Variants in ASAP1 observed in about 807,000 individuals in gnomAD.
The protein encoded by ASAP1 is arf-GAP with SH3 domain, ANK repeat and PH domain-containing protein 1.
Under a neutral mutation model 145.2 loss-of-function variants are expected in ASAP1, and 43 were observed. That is an observed-to-expected ratio of 0.30 (90% confidence interval 0.23 to 0.38). ASAP1 has a LOEUF of 0.38. Ranked by LOEUF, ASAP1 falls within the 10% of genes least tolerant of loss-of-function variation. ASAP1 has a pLI of 1.00. For synonymous variants in ASAP1, 546 were observed against 515.5 expected (o/e 1.06, Z -0.80); for missense variants, 1,018 against 1,355.3 (o/e 0.75, Z 3.91).
At chr8:130,262,465 G>T in intron 3 of ASAP1, among the ~76,000 whole-genome samples, 1 of 134,090 alleles carries the variant, frequency 7.5e-6, no homozygotes, top group African/African-American at 2.8e-5. Flanking sequence ...AGAACCTGTG[G>T]AATTTCAGAT....
intron 24 of ASAP1, among the ~76,000 whole-genome samples, chr8:130,098,424 A>AT (rs2097522869): frequency 6.6e-6 from 1 of 152,032 alleles, no homozygotes; most frequent in Admixed American, 6.5e-5. Context: ...GCTCACTGCA[A>AT]TGTCCACCTC....
chr8:130,154,355 T>G (rs2097653629), intron 12 of ASAP1, among the ~76,000 whole-genome samples: 1 of 152,202 alleles, frequency 6.6e-6, no homozygotes, highest in African/African-American at 2.4e-5. Context: ...GAGAACGAAT[T>G]AAAACTTGGA....
chr8:130,236,285 A>G (rs1818209483), intron 4 of ASAP1, among the ~76,000 whole-genome samples: 6 of 151,896 alleles, frequency 4.0e-5, no homozygotes, highest in Admixed American at 3.3e-4. Flanking sequence ...TCTCTTCTAC[A>G]GTGCTGGAGC....
intron 2 of ASAP1, among the ~76,000 whole-genome samples, chr8:130,392,141 T>A (rs1828313149): frequency 1.3e-5 from 2 of 152,220 alleles, no homozygotes; most frequent in Non-Finnish European, 2.9e-5. Flanking sequence ...ATTTGTGGAA[T>A]AGTTTTTAAG....
chr8:130,142,221 G>A (rs2097613629), intron 13 of ASAP1, among the ~76,000 whole-genome samples: 1 of 152,112 alleles, frequency 6.6e-6, no homozygotes, highest in Non-Finnish European at 1.5e-5. Flanking sequence ...TCTCTTCTGC[G>A]GTCACTCTGC....
rs546352364 is a variant in ASAP1, at chr8:130,141,176, A to G, written c.1081-4138T>C. On this transcript the variant is annotated intron_variant, in intron 13 of 29. Transcript: ENST00000518721. Reference sequence around the variant, plus strand: ...TACAGGAGAGAAAAAAGAAAACAAAACAGGAGAAACTCTGGAAACGTCTAT... The same window carrying G: ...TACAGGAGAGAAAAAAGAAAACAAAGCAGGAGAAACTCTGGAAACGTCTAT... Among the ~76,000 whole-genome samples, 4 of 152,272 alleles carry G rather than the reference A, an allele frequency of 2.6e-5. No homozygotes were observed. In the East Asian group the frequency reaches 7.7e-4, roughly 29 times the overall value.
intron 3 of ASAP1, among the ~76,000 whole-genome samples, chr8:130,298,733 T>A (rs1393360516): frequency 6.6e-6 from 1 of 152,166 alleles, no homozygotes; most frequent in African/African-American, 2.4e-5. Flanking sequence ...CCCACCTCTA[T>A]CCCTCTGATC....
chr8:130,373,414 A>T (rs1330281098), intron 2 of ASAP1, among the ~76,000 whole-genome samples: 1 of 152,230 alleles, frequency 6.6e-6, no homozygotes, highest in Admixed American at 6.5e-5. Context: ...GGCTACAAGG[A>T]AGGGAGGAAA....
chr8:130,149,223 T>C (rs1029854816), intron 13 of ASAP1, among the ~76,000 whole-genome samples: 1 of 148,082 alleles, frequency 6.8e-6, no homozygotes. Context: ...CATCTTATAC[T>C]GTGTTTAGAA....
In ASAP1 at chr8:130,053,149, C is replaced by T. The variant is rs867120595; in HGVS notation, c.*1582G>A. 18 of 152,180 alleles carry T rather than the reference C, an allele frequency of 1.2e-4. No individual in the cohort carries two copies. The highest frequency in any genetic ancestry group is 3.9e-4 in the African/African-American group (16 of 41,448). 9.4% of individuals were successfully genotyped at this position (152,180 alleles called of 1,614,324 possible). A position where few individuals can be genotyped will look rare whatever the true frequency, so the allele number is the denominator to read the frequency against. Reference sequence around the variant, plus strand: ...AATTAATATTCACTGAGCACTGTAACGATGGAAGAGGGCTTTTCCTAAGGG... The same window carrying T: ...AATTAATATTCACTGAGCACTGTAATGATGGAAGAGGGCTTTTCCTAAGGG... On this transcript the variant is annotated 3_prime_UTR_variant, in exon 30 of 30. Coordinates refer to ENST00000518721, the MANE Select transcript of ASAP1 (RefSeq NM_018482.4).
At position 130,207,005 on chromosome 8, in the gene ASAP1, C is replaced by T. The variant is rs183991232; in HGVS notation, c.405+7551G>A. Among the ~76,000 whole-genome samples, 521 of 152,072 alleles carry T rather than the reference C, an allele frequency of 3.4e-3. 3 individuals carry two copies. Among genetic ancestry groups the T allele is most frequent in the African/African-American group, 0.01 (423 of 41,484 alleles). The stretch of plus-strand genomic sequence containing the variant: ...TCATGGTTAAAAAAAAAAGGTTGAA[C>T]GTAATTTTTCAGTACTATACATTTA... On this transcript the variant is annotated intron_variant, in intron 5 of 29. Coordinates refer to ENST00000518721, the MANE Select transcript of ASAP1 (RefSeq NM_018482.4).
chr8:130,205,052 T>C (rs1365816068), intron 5 of ASAP1, among the ~76,000 whole-genome samples: 1 of 152,236 alleles, frequency 6.6e-6, no homozygotes, highest in East Asian at 1.9e-4. Flanking sequence ...TAGCAAAATG[T>C]TAGAGACAGC....
Position 130,112,327 on chromosome 8 carries a change from C to T in ASAP1, c.2173-5G>A, listed in dbSNP as rs760066668. On this transcript the variant is annotated splice_region_variant and splice_polypyrimidine_tract_variant and intron_variant, in intron 23 of 29. Transcript: ENST00000518721. The stretch of plus-strand genomic sequence containing the variant: ...CTCTTTCTTGATAGGGCTTGGCTGG[C>T]AGATGAAATAAGAAGGTGAGATAAT... The T allele has an allele frequency of 6.2e-7, 1 of 1,612,250 alleles. No individual in the cohort carries two copies. The highest frequency in any genetic ancestry group is 1.1e-5 in the South Asian group (1 of 90,996).
At chr8:130,359,298 G>A (rs1248995020) in intron 2 of ASAP1, among the ~76,000 whole-genome samples, 2 of 152,192 alleles carry the variant, frequency 1.3e-5, no homozygotes, top group African/African-American at 2.4e-5. Context: ...ATGCTAAGCA[G>A]ATGCCAAATT....
At chr8:130,337,184 A>G (rs1272560431) in intron 3 of ASAP1, among the ~76,000 whole-genome samples, 1 of 152,248 alleles carries the variant, frequency 6.6e-6, no homozygotes, top group Non-Finnish European at 1.5e-5. Context: ...ATTCAAAAAT[A>G]TTTTAAAAGA....
chr8:130,078,973 T>C (rs2097471595), intron 26 of ASAP1, among the ~76,000 whole-genome samples: 1 of 152,128 alleles, frequency 6.6e-6, no homozygotes, highest in African/African-American at 2.4e-5. Flanking sequence ...GCAGGAGGAT[T>C]GCTTGAGCCC....
At chr8:130,334,058 G>A (rs564577723) in intron 3 of ASAP1, among the ~76,000 whole-genome samples, 2 of 152,298 alleles carry the variant, frequency 1.3e-5, no homozygotes, top group African/African-American at 2.4e-5. Flanking sequence ...CCAGAAAGAT[G>A]AGTAGGTGTT....
Position 130,276,728 on chromosome 8 carries a change from A to ACACACTCTCT in ASAP1, c.187-39735_187-39734insAGAGAGTGTG, listed in dbSNP as rs548512902. 2.2e-3 allele frequency among the ~76,000 whole-genome samples: 194 copies of ACACACTCTCT among 87,298 alleles called. 2 individuals are homozygous for ACACACTCTCT. Among genetic ancestry groups the ACACACTCTCT allele is most frequent in the East Asian group, 5.9e-3 (12 of 2,028 alleles). The allele number at this position is 87,298 out of a possible 152,430, so 57.3% of individuals were successfully genotyped here. On this transcript the variant is annotated intron_variant, in intron 3 of 29. Coordinates refer to ENST00000518721, the MANE Select transcript of ASAP1 (RefSeq NM_018482.4). Reference sequence around the variant, plus strand: ...CACACACACACACACACACACACACACTCTCTCTCTCTCTCTCTCTCTCTC... The same window carrying ACACACTCTCT: ...CACACACACACACACACACACACACACACACTCTCTCTCTCTCTCTCTCTCTCTCTCTCTC...
At chr8:130,057,756 G>A (rs1312958316) in intron 29 of ASAP1, among the ~76,000 whole-genome samples, 198 bp downstream of exon 29, 2 of 152,126 alleles carry the variant, frequency 1.3e-5, no homozygotes, top group African/African-American at 4.8e-5. Context: ...CCAGCTCCAC[G>A]GCTGTTTTTC....
Sources: allele counts gnomAD v4.1 joint callset (sites outside exome capture counted in the v4.1 genomes callset), GRCh38; gene constraint gnomAD v4.1.1; transcripts MANE v1.5; gene names NCBI Gene and HGNC (gene_info 2026-07-23, HGNC 2026-07-21).